Variants in ANKS1B observed in about 807,000 individuals in gnomAD.
The protein encoded by ANKS1B is ankyrin repeat and sterile alpha motif domain containing 1B.
Under a neutral mutation model 148.3 loss-of-function variants are expected in ANKS1B, and 36 were observed. The observed-to-expected ratio is 0.24, with a 90% CI of 0.19 to 0.32. ANKS1B has a LOEUF of 0.32. Ranked by LOEUF, ANKS1B falls within the 10% of genes least tolerant of loss-of-function variation. The pLI is 1.00. For synonymous variants in ANKS1B, 542 were observed against 560.8 expected, an observed-to-expected ratio of 0.97 and a Z score of 0.47; for missense variants, 1,157 against 1,542.6, an observed-to-expected ratio of 0.75 and a Z score of 4.19.
intron 12 of ANKS1B, among the ~76,000 whole-genome samples, chr12:99,357,430 T>C (rs760361935): frequency 6.6e-6 from 1 of 152,166 alleles, no homozygotes; most frequent in Non-Finnish European, 1.5e-5. Flanking sequence ...ATCTCCAGCA[T>C]GGGCTGAGTG....
At chr12:98,759,079 C>T (rs1398252225) in intron 25 of ANKS1B, among the ~76,000 whole-genome samples, 2 of 151,992 alleles carry the variant, frequency 1.3e-5, no homozygotes, top group East Asian at 3.9e-4. Flanking sequence ...CTGTGCCCGG[C>T]CTGGGATTTT....
At chr12:99,490,964 C>A (rs12311258) in intron 10 of ANKS1B, among the ~76,000 whole-genome samples, 8,356 of 152,134 alleles carry the variant, frequency 0.055, 380 homozygotes, top group African/African-American at 0.11. Context: ...AACTATTTCC[C>A]AATTAATGTT....
At chr12:99,208,325 C>CTG (rs1186698352) in intron 14 of ANKS1B, among the ~76,000 whole-genome samples, 1 of 152,070 alleles carries the variant, frequency 6.6e-6, no homozygotes, top group East Asian at 1.9e-4. Context: ...TCACAGTGAT[C>CTG]TGTGATCCTA....
chr12:99,010,763 T>TTATTA (rs1568346190), intron 17 of ANKS1B, among the ~76,000 whole-genome samples: 3 of 151,022 alleles, frequency 2.0e-5, no homozygotes, highest in Non-Finnish European at 4.4e-5. Flanking sequence ...TATTATTATT[T>TTATTA]TTTTTTGAGA....
intron 9 of ANKS1B, among the ~76,000 whole-genome samples, chr12:99,625,635 C>T (rs1053551554): frequency 2.6e-5 from 4 of 152,130 alleles, no homozygotes; most frequent in Non-Finnish European, 5.9e-5. Flanking sequence ...TTTTAGGATT[C>T]TCTTTAAAAA....
At chr12:99,259,106 G>A (rs1291579524) in intron 12 of ANKS1B, among the ~76,000 whole-genome samples, 3 of 152,032 alleles carry the variant, frequency 2.0e-5, no homozygotes, top group Non-Finnish European at 4.4e-5. Flanking sequence ...GCTTTTTTCC[G>A]ATACATCACG....
At chr12:99,525,553 T>C (rs1596350289) in intron 9 of ANKS1B, among the ~76,000 whole-genome samples, 1 of 152,156 alleles carries the variant, frequency 6.6e-6, no homozygotes, top group Non-Finnish European at 1.5e-5. Flanking sequence ...AAGGTTCTGA[T>C]GCTTGCAGAA....
intron 9 of ANKS1B, among the ~76,000 whole-genome samples, chr12:99,522,737 A>C (rs562204966): frequency 2.6e-4 from 40 of 152,348 alleles, no homozygotes; most frequent in African/African-American, 8.9e-4. Flanking sequence ...CATGCCAGTT[A>C]AAGAAATTAA....
intron 9 of ANKS1B, among the ~76,000 whole-genome samples, chr12:99,529,279 G>C (rs189526097): frequency 1.9e-4 from 29 of 152,286 alleles, no homozygotes; most frequent in South Asian, 8.3e-4. Context: ...AGATGACAAA[G>C]AGGAGAATGT....
chr12:99,099,436 G>A (rs2057318251), intron 15 of ANKS1B, among the ~76,000 whole-genome samples: 2 of 152,230 alleles, frequency 1.3e-5, no homozygotes, highest in Non-Finnish European at 2.9e-5. Context: ...TCAGGAGAGT[G>A]TTGGGGGCCT....
intron 2 of ANKS1B, among the ~76,000 whole-genome samples, chr12:99,818,444 A>G (rs576019584): frequency 1.3e-5 from 2 of 151,954 alleles, no homozygotes; most frequent in East Asian, 3.9e-4. Context: ...TTATTGAAAA[A>G]TTAATGTTAA....
chr12:99,419,508 T>G (rs7303071), intron 11 of ANKS1B, among the ~76,000 whole-genome samples: 38,098 of 152,044 alleles, frequency 0.25, 4,989 homozygotes, highest in East Asian at 0.43. Flanking sequence ...AGTTTCACTT[T>G]AAGAACAGTA....
chr12:99,532,799 T>C (rs1296648027), intron 9 of ANKS1B, among the ~76,000 whole-genome samples: 1 of 152,244 alleles, frequency 6.6e-6, no homozygotes, highest in Admixed American at 6.5e-5. Flanking sequence ...CCAGTGCATG[T>C]TTTTGTCTGC....
At chr12:99,288,602 G>T (rs939381101) in intron 12 of ANKS1B, among the ~76,000 whole-genome samples, 2 of 151,850 alleles carry the variant, frequency 1.3e-5, no homozygotes, top group Non-Finnish European at 2.9e-5. Context: ...AAATAATAAT[G>T]GGGTGATAAA....
At chr12:99,003,014 A>G (rs926946393) in intron 17 of ANKS1B, among the ~76,000 whole-genome samples, 2 of 152,184 alleles carry the variant, frequency 1.3e-5, no homozygotes, top group South Asian at 2.1e-4. Context: ...TTTTGTGTAC[A>G]GTGTAAGATA....
At chr12:99,397,722 T>C (rs1356731195) in intron 12 of ANKS1B, among the ~76,000 whole-genome samples, 2 of 152,150 alleles carry the variant, frequency 1.3e-5, no homozygotes, top group Non-Finnish European at 2.9e-5. Flanking sequence ...TTTAAATGAA[T>C]TGATATACAT....
intron 17 of ANKS1B, among the ~76,000 whole-genome samples, chr12:99,012,951 G>A (rs953604885): frequency 4.6e-5 from 7 of 152,120 alleles, no homozygotes; most frequent in African/African-American, 1.7e-4. Context: ...GAATTCTTCT[G>A]GTAGAACTTT....
At chr12:99,648,694 A>G (rs752937296) in intron 9 of ANKS1B, 3 of 1,614,170 alleles carry the variant, frequency 1.9e-6, no homozygotes, top group Non-Finnish European at 2.5e-6. Flanking sequence ...TTACATCCTG[A>G]GACCACCAGT....
At chr12:99,225,068 C>T (rs2085691392) in intron 14 of ANKS1B, among the ~76,000 whole-genome samples, 1 of 152,086 alleles carries the variant, frequency 6.6e-6, no homozygotes, top group Non-Finnish European at 1.5e-5. Flanking sequence ...AGCTAGAAAT[C>T]CCAGTAGAAA....
Sources: allele counts gnomAD v4.1 joint callset (sites outside exome capture counted in the v4.1 genomes callset), GRCh38; gene constraint gnomAD v4.1.1; transcripts MANE v1.5; gene names NCBI Gene and HGNC (gene_info 2026-07-23, HGNC 2026-07-21).